MEF2A: variants seen among roughly 807,000 people sequenced by gnomAD.
The protein encoded by MEF2A is myocyte-specific enhancer factor 2A.
Under a neutral mutation model 55.8 loss-of-function variants are expected in MEF2A, and 28 were observed. That is an observed-to-expected ratio of 0.50 (90% CI 0.37 to 0.69). MEF2A has a LOEUF of 0.69. Ranked by LOEUF, MEF2A falls within the 30% of genes least tolerant of loss-of-function variation. The pLI is 0.00. For missense variants in MEF2A, 528 were observed against 626.2 expected, an observed-to-expected ratio of 0.84 and a Z score of 1.67; for synonymous variants, 239 against 227.1, an observed-to-expected ratio of 1.05 and a Z score of -0.47.
At chr15:99,710,824 G>C in intron 11 of MEF2A, 64 bp downstream of exon 11, 1 of 1,538,038 alleles carries the variant, frequency 6.5e-7, no homozygotes, top group Non-Finnish European at 8.8e-7. Flanking sequence ...TTTCCTATCA[G>C]TGACAGCCTT....
chr15:99,617,899 C>T lies in MEF2A; in HGVS notation c.-142-15079C>T, dbSNP rs145231541. Among the ~76,000 whole-genome samples the T allele has an allele frequency of 1.2e-4, 19 of 152,188 alleles. No individual in the cohort carries two copies. In the East Asian group the frequency reaches 1.3e-3, roughly 11 times the overall value. The stretch of plus-strand genomic sequence containing the variant: ...TATTTTCTGTTTCATCTTTTATTCT[C>T]GTAGTTGAACCCAAAGGAATATGAA... On this transcript the variant is annotated intron_variant, in intron 2 of 11. Transcript: ENST00000557942.
chr15:99,588,235 GCCT>G (rs1335802250), intron 1 of MEF2A, among the ~76,000 whole-genome samples: 4 of 152,070 alleles, frequency 2.6e-5, no homozygotes, highest in Admixed American at 6.6e-5. Flanking sequence ...TCCTGCCTCA[GCCT>G]CCTAAGTATT....
chr15:99,631,213 C>G (rs149758816), intron 2 of MEF2A, among the ~76,000 whole-genome samples: 1 of 152,238 alleles, frequency 6.6e-6, no homozygotes, highest in African/African-American at 2.4e-5. Flanking sequence ...CATCTTACAG[C>G]CATTAAAATA....
chr15:99,633,620 G>T (rs140718435), intron 3 of MEF2A, among the ~76,000 whole-genome samples: 2 of 152,200 alleles, frequency 1.3e-5, no homozygotes, highest in African/African-American at 2.4e-5. Context: ...TATGTAATGA[G>T]AATTTTTTAT....
chr15:99,666,578 T>TATAATAATGATA (rs146145934), intron 4 of MEF2A, among the ~76,000 whole-genome samples: 1 of 141,270 alleles, frequency 7.1e-6, no homozygotes, highest in Non-Finnish European at 1.5e-5. Flanking sequence ...GAACTTAAAG[T>TATAATAATGATA]ATAATAATAA....
At chr15:99,691,862 C>T (rs1053108605) in intron 8 of MEF2A, among the ~76,000 whole-genome samples, 4 of 152,164 alleles carry the variant, frequency 2.6e-5, no homozygotes, top group Non-Finnish European at 5.9e-5. Flanking sequence ...CTATTCCACT[C>T]CTTGATGACG....
intron 4 of MEF2A, among the ~76,000 whole-genome samples, chr15:99,669,190 C>T (rs1283098051): frequency 1.3e-5 from 2 of 152,132 alleles, no homozygotes; most frequent in African/African-American, 2.4e-5. Context: ...GTGAAAATTT[C>T]AGTGATAAGC....
At chr15:99,664,018 T>C (rs898255322) in intron 4 of MEF2A, among the ~76,000 whole-genome samples, 4 of 152,226 alleles carry the variant, frequency 2.6e-5, no homozygotes, top group Non-Finnish European at 5.9e-5. Context: ...GACGTATGAC[T>C]TTAAAGATTT....
chr15:99,627,540 G>A (rs752012026), intron 2 of MEF2A, among the ~76,000 whole-genome samples: 1 of 150,376 alleles, frequency 6.6e-6, no homozygotes, highest in East Asian at 2.0e-4. Context: ...GTTTATTTAG[G>A]AAAAGTGTAT....
intron 10 of MEF2A, among the ~76,000 whole-genome samples, chr15:99,707,454 A>C (rs1389781393): frequency 6.6e-6 from 1 of 152,002 alleles, no homozygotes; most frequent in African/African-American, 2.4e-5. Context: ...CTTTTCCTTC[A>C]TTTATGTTTA....
intron 2 of MEF2A, among the ~76,000 whole-genome samples, chr15:99,605,191 G>A (rs1396172243): frequency 6.6e-6 from 1 of 152,162 alleles, no homozygotes; most frequent in Non-Finnish European, 1.5e-5. Context: ...CAAGTGATCT[G>A]GCTGCTTCAG....
intron 4 of MEF2A, among the ~76,000 whole-genome samples, chr15:99,669,913 C>T (rs536863495): frequency 2.0e-5 from 3 of 152,146 alleles, no homozygotes; most frequent in Admixed American, 6.5e-5. Flanking sequence ...TGATGAACTT[C>T]TCTGGGACTA....
chr15:99,591,733 A>G (rs1237104157), intron 1 of MEF2A, among the ~76,000 whole-genome samples: 2 of 151,554 alleles, frequency 1.3e-5, no homozygotes, highest in African/African-American at 4.9e-5. Flanking sequence ...TACATCTTCA[A>G]TTTTGTCATC....
intron 1 of MEF2A, among the ~76,000 whole-genome samples, chr15:99,581,590 C>T (rs894957027): frequency 1.3e-5 from 2 of 152,076 alleles, no homozygotes; most frequent in African/African-American, 2.4e-5. Flanking sequence ...TTCTGCTTCC[C>T]CCAAACCCTT....
chr15:99,645,976 G>A, intron 4 of MEF2A: 2 of 420,270 alleles, frequency 4.8e-6, no homozygotes, highest in East Asian at 7.2e-5. Context: ...AAACTATGTT[G>A]TTTTACCATG....
At chr15:99,579,331 TGGG>T in intron 1 of MEF2A, among the ~76,000 whole-genome samples, 2 of 150,522 alleles carry the variant, frequency 1.3e-5, no homozygotes, top group Admixed American at 1.3e-4. Context: ...CAGTGGAGGG[TGGG>T]GCAGGGTTCC....
chr15:99,716,299 C>T lies in MEF2A; in HGVS notation c.*3528C>T. ...GGCGGCACAAGCTGGACTTTGTTGC[C>T]ATCCTTGAGATGAACCTTTTAAGAA... On this transcript the variant is annotated 3_prime_UTR_variant, in exon 12 of 12. Coordinates refer to ENST00000557942, the MANE Select transcript of MEF2A (RefSeq NM_001319206.4). The T allele has an allele frequency of 5.8e-6, 2 of 344,582 alleles. No homozygotes were observed. Among genetic ancestry groups the T allele is most frequent in the East Asian group, 1.5e-4 (2 of 13,238 alleles). 21.3% of individuals were successfully genotyped at this position (344,582 alleles called of 1,614,324 possible).
intron 1 of MEF2A, among the ~76,000 whole-genome samples, chr15:99,594,833 G>A (rs1206785330): frequency 3.3e-5 from 5 of 152,146 alleles, no homozygotes; most frequent in Non-Finnish European, 7.4e-5. Context: ...TTTAAAGGGT[G>A]TTATGAAATT....
rs987271720 is a variant in MEF2A, at chr15:99,659,561, A to G, written c.259-11762A>G. Among the ~76,000 whole-genome samples the G allele has an allele frequency of 1.3e-5, 2 of 152,158 alleles. 1 individual carries two copies. Among genetic ancestry groups the G allele is most frequent in the South Asian group, 4.1e-4 (2 of 4,828 alleles). Reference sequence around the variant, plus strand: ...TGTTCTCCCTTTGATTTGCTGACTGATGGATGCAGTCCATTTAAGAAATGA... The same window carrying G: ...TGTTCTCCCTTTGATTTGCTGACTGGTGGATGCAGTCCATTTAAGAAATGA... On this transcript the variant is annotated intron_variant, in intron 4 of 11. Transcript: ENST00000557942.
Sources: gnomAD v4.1 joint callset for allele counts (sites outside exome capture counted in the v4.1 genomes callset) on GRCh38, gnomAD v4.1.1 for gene constraint, MANE v1.5 for transcripts, NCBI Gene and HGNC (gene_info 2026-07-23, HGNC 2026-07-21) for gene names.